GALNT9: variants seen among roughly 807,000 people sequenced by gnomAD.
GALNT9 encodes the protein GalNAc transferase 9.
Under a neutral mutation model 63.1 loss-of-function variants are expected in GALNT9, and 47 were observed. The observed-to-expected ratio is 0.75, with a 90% CI of 0.59 to 0.95. The LOEUF is 0.95. GALNT9 is among the 40% of genes least tolerant of loss of function. The probability of loss-of-function intolerance (pLI) is 0.00; values close to 1 mark genes in which losing one functional copy is unlikely to be tolerated. For missense variants in GALNT9, 829 were observed against 874.8 expected, an observed-to-expected ratio of 0.95 and a Z score of 0.66; for synonymous variants, 396 against 365.7, an observed-to-expected ratio of 1.08 and a Z score of -0.94.
Position 132,296,101 on chromosome 12 carries a change from C to G in GALNT9, c.239-9671G>C, listed in dbSNP as rs1296548357. On this transcript the variant is annotated intron_variant, in intron 1 of 10. Coordinates refer to ENST00000328957, the MANE Select transcript of GALNT9 (RefSeq NM_001122636.2). This position sits in a 1 kb window ranked among gnomAD's most constrained non-coding sequence, Gnocchi z 4.2. ...AGGGAGAGCCTCCGAACAGGGAGAGCCTCCGAACAGGGAGAGCCTCTGAAC... is the reference window on the plus strand; with the variant it reads ...AGGGAGAGCCTCCGAACAGGGAGAGGCTCCGAACAGGGAGAGCCTCTGAAC... 6.6e-6 allele frequency among the ~76,000 whole-genome samples: 1 copy of G among 151,688 alleles called. No homozygotes were observed.
chr12:132,329,137 G>A lies in GALNT9; in HGVS notation c.67C>T (p.Leu23=). 6.5e-7 allele frequency: 1 copy of A among 1,549,570 alleles called. No individual in the cohort carries two copies. The highest frequency in any genetic ancestry group is 8.7e-7 in the Non-Finnish European group (1 of 1,146,502). The change falls in exon 1 of 11, where the codon CTG becomes TTG. Residue 23 remains leucine (L), a synonymous_variant. Coordinates refer to ENST00000328957, the MANE Select transcript of GALNT9 (RefSeq NM_001122636.2). ...TGCAGGCGGCAGTACACGGAGAACA[G>A]GACGATGCCCACGAACACCAGGATG... ...VNILVFVGIV[L]FSVYCRLQGR...
intron 1 of GALNT9, among the ~76,000 whole-genome samples, chr12:132,324,862 G>C (rs1395945508): frequency 6.6e-6 from 1 of 152,222 alleles, no homozygotes; most frequent in African/African-American, 2.4e-5. Context: ...CTGTGGCGAA[G>C]GCAGCCTGGG....
At chr12:132,197,995 C>T (rs201368307) in intron 9 of GALNT9, 36 bp from the exon 10 acceptor site, 369 of 1,555,034 alleles carry the variant, frequency 2.4e-4, no homozygotes, top group Non-Finnish European at 2.9e-4. Flanking sequence ...GTGTGAGCAG[C>T]GCCCAGGCTC....
intron 6 of GALNT9, among the ~76,000 whole-genome samples, chr12:132,239,205 GAGAGACAGAGAGACACAGAGACAGAGAA>G (rs1878116140): frequency 6.6e-6 from 1 of 151,956 alleles, no homozygotes; most frequent in African/African-American, 2.4e-5. Context: ...CAGGCAGAGA[GAGAGACAGAGAGACACAGAGACAGAGAA>G]AGAGACACAT....
chr12:132,300,336 C>A (rs1881247083), intron 1 of GALNT9, among the ~76,000 whole-genome samples: 2 of 137,016 alleles, frequency 1.5e-5, no homozygotes, highest in Non-Finnish European at 3.1e-5. Flanking sequence ...CATAACTAAC[C>A]CACTCCCACC....
intron 1 of GALNT9, among the ~76,000 whole-genome samples, chr12:132,288,801 A>G (rs111971736): frequency 8.0e-6 from 1 of 124,684 alleles, no homozygotes; most frequent in Admixed American, 8.5e-5. Flanking sequence ...CAGCGTTGGA[A>G]CCGGCAGGAG....
chr12:132,270,797 T>C (rs1489803557), intron 2 of GALNT9, among the ~76,000 whole-genome samples: 1 of 151,984 alleles, frequency 6.6e-6, no homozygotes, highest in African/African-American at 2.4e-5. Flanking sequence ...CCCAGATACA[T>C]TTCAGAATTC....
At chr12:132,213,484 A>ACCCACAGT (rs1175954544) in intron 6 of GALNT9, among the ~76,000 whole-genome samples, 8 of 151,710 alleles carry the variant, frequency 5.3e-5, no homozygotes, top group Non-Finnish European at 8.8e-5. Flanking sequence ...TCACACCCAC[A>ACCCACAGT]CACACGCACT....
Position 132,219,399 on chromosome 12 carries a change from A to G in GALNT9, c.1078-15709T>C, listed in dbSNP as rs147568769. On this transcript the variant is annotated intron_variant, in intron 6 of 10. Transcript: ENST00000328957. The stretch of plus-strand genomic sequence containing the variant: ...AACAAGGTGAAATTCTCCATAGCTC[A>G]TGAGGAGCAGAAGCCGGCTGCAGTG... Among the ~76,000 whole-genome samples the G allele has an allele frequency of 1.4e-3, 209 of 152,320 alleles. 9 individuals are homozygous for G. The East Asian group carries it at 0.034, about 25-fold the overall frequency.
chr12:132,293,367 C>T (rs1411910213), intron 1 of GALNT9, among the ~76,000 whole-genome samples: 2 of 152,216 alleles, frequency 1.3e-5, no homozygotes, highest in African/African-American at 4.8e-5. Context: ...CAGGCTTTCC[C>T]CAGCCCCTCA....
At chr12:132,254,023 TTC>T (rs375576604) in intron 5 of GALNT9, among the ~76,000 whole-genome samples, 29,672 of 151,350 alleles carry the variant, frequency 0.2, 2,969 homozygotes, top group Middle Eastern at 0.36. Flanking sequence ...TCACTGTTTT[TTC>T]TTTTTTTTTT....
chr12:132,321,411 C>T (rs1868789845), intron 1 of GALNT9, among the ~76,000 whole-genome samples: 1 of 152,176 alleles, frequency 6.6e-6, no homozygotes, highest in Admixed American at 6.5e-5. Context: ...ACGGGCACCA[C>T]CAGAGATGGG....
intron 4 of GALNT9, among the ~76,000 whole-genome samples, chr12:132,258,203 C>T (rs1274082700): frequency 3.9e-5 from 6 of 152,162 alleles, no homozygotes; most frequent in Admixed American, 3.3e-4. Context: ...AAGAGGTCAG[C>T]TATGTCCACC....
At chr12:132,216,047 T>G (rs980316475) in intron 6 of GALNT9, among the ~76,000 whole-genome samples, 27 of 152,040 alleles carry the variant, frequency 1.8e-4, no homozygotes, top group Admixed American at 1.6e-3. Context: ...CATGCCCATC[T>G]AATGATAGAC....
At chr12:132,271,818 G>A (rs962702164) in intron 2 of GALNT9, among the ~76,000 whole-genome samples, 1 of 152,058 alleles carries the variant, frequency 6.6e-6, no homozygotes, top group African/African-American at 2.4e-5. Context: ...AGGCTCCCAC[G>A]CGTGGGAGGC....
At chr12:132,249,289 G>C (rs897950306) in intron 5 of GALNT9, among the ~76,000 whole-genome samples, 2 of 152,222 alleles carry the variant, frequency 1.3e-5, no homozygotes, top group Admixed American at 1.3e-4. Context: ...TGCAGGCCTT[G>C]AGCTTCCCTG....
rs1878259463 is a variant in GALNT9 at position 132,240,818 on chromosome 12, A to AGGGCCGTCCCT, written c.1077+7091_1077+7092insAGGGACGGCCC. ...TACACACATGCCACACACCCTTCCC[A>AGGGCCGTCCCT]AGGCCGTCCCTATACCCATTACACA... is the stretch of plus-strand genomic sequence containing the variant. On this transcript the variant is annotated intron_variant, in intron 6 of 10. Transcript: ENST00000328957. The AGGGCCGTCCCT allele has an allele frequency of 4.5e-5, 18 of 403,724 alleles. 3 individuals carry two copies. The highest frequency in any genetic ancestry group is 1.4e-4 in the African/African-American group (6 of 42,862). 25.0% of individuals were successfully genotyped at this position (403,724 alleles called of 1,614,324 possible). A position where few individuals can be genotyped will look rare whatever the true frequency, so the allele number is the denominator to read the frequency against.
chr12:132,219,240 C>G (rs1445814850), intron 6 of GALNT9, among the ~76,000 whole-genome samples: 5 of 152,216 alleles, frequency 3.3e-5, no homozygotes, highest in Non-Finnish European at 7.3e-5. Flanking sequence ...CAGACCCAGG[C>G]CCGCTGCAGC....
chr12:132,276,305 C>T (rs1880086720), intron 2 of GALNT9: 1 of 154,958 alleles, frequency 6.5e-6, no homozygotes, highest in Admixed American at 6.5e-5. Context: ...CCGGCCGCAG[C>T]TCCCAACCTT....
Sources: gnomAD v4.1 joint callset for allele counts (sites outside exome capture counted in the v4.1 genomes callset) on GRCh38, gnomAD v4.1.1 for gene constraint, Gnocchi (gnomAD v3.1) non-coding constraint, MANE v1.5 for transcripts, NCBI Gene and HGNC (gene_info 2026-07-23, HGNC 2026-07-21) for gene names.